The following DNAH5 variants were observed in gnomAD, a reference collection of about 807,000 sequenced individuals.
The protein encoded by DNAH5 is dynein axonemal heavy chain 5.
A neutral mutation model predicts 518.2 loss-of-function variants in DNAH5; 372 were observed. That is an observed-to-expected ratio of 0.72 (90% confidence interval 0.66 to 0.78). The LOEUF is 0.78. Ranked by LOEUF, DNAH5 falls within the 30% of genes least tolerant of loss-of-function variation. The pLI is 0.00. For missense variants in DNAH5, 5,523 were observed against 5,687.0 expected, an observed-to-expected ratio of 0.97 and a Z score of 0.93; for synonymous variants, 2,039 against 2,025.9, an observed-to-expected ratio of 1.01 and a Z score of -0.17.
At chr5:13,698,364 T>C (rs1253004620) in intron 78 of DNAH5, among the ~76,000 whole-genome samples, 2 of 152,222 alleles carry the variant, frequency 1.3e-5, no homozygotes, top group Non-Finnish European at 1.5e-5. Flanking sequence ...TTATACACAG[T>C]AGTTATGTCC....
chr5:13,713,732 G>T (rs1309468924), intron 75 of DNAH5, among the ~76,000 whole-genome samples: 2 of 151,478 alleles, frequency 1.3e-5, no homozygotes, highest in Admixed American at 1.3e-4. Flanking sequence ...TACAAATATG[G>T]TGCATCGCAT....
At chr5:13,860,881 T>C (rs1407068372) in intron 29 of DNAH5, among the ~76,000 whole-genome samples, 1 of 152,228 alleles carries the variant, frequency 6.6e-6, no homozygotes, top group Non-Finnish European at 1.5e-5. Context: ...TGAAGTCGTA[T>C]TATTGCATAA....
intron 65 of DNAH5, among the ~76,000 whole-genome samples, chr5:13,740,289 A>AC (rs1052234790): frequency 5.3e-5 from 8 of 151,644 alleles, no homozygotes; most frequent in African/African-American, 1.7e-4. Context: ...CCCCAGCCTT[A>AC]CCCCCTGGTC....
intron 32 of DNAH5, among the ~76,000 whole-genome samples, chr5:13,842,831 T>A (rs1258650114): frequency 6.6e-6 from 1 of 152,182 alleles, no homozygotes; most frequent in Non-Finnish European, 1.5e-5. Context: ...AGAAACCTTA[T>A]GGCAGGAGCA....
chr5:13,995,230 A>T (rs1279833238), intron 1 of DNAH5, among the ~76,000 whole-genome samples: 1 of 152,248 alleles, frequency 6.6e-6, no homozygotes, highest in Non-Finnish European at 1.5e-5. Flanking sequence ...AGTCTCCCAC[A>T]TTGCCACATA....
intron 24 of DNAH5, among the ~76,000 whole-genome samples, chr5:13,870,238 C>T (rs906861207): frequency 4.6e-5 from 7 of 152,098 alleles, no homozygotes; most frequent in African/African-American, 7.2e-5. Flanking sequence ...TCCCGATTAC[C>T]AGCTGGTATT....
At chr5:13,789,063 A>C (rs1258161400) in intron 50 of DNAH5, 149 bp from the exon 51 acceptor site, 3 of 684,672 alleles carry the variant, frequency 4.4e-6, no homozygotes, top group African/African-American at 3.6e-5. Flanking sequence ...ACTTCACTTC[A>C]AATTGTCCTC....
At position 13,844,933 on chromosome 5, in the gene DNAH5, A is replaced by C; in HGVS notation, c.5175T>G (p.Leu1725=). 3 of 1,614,160 alleles carry C rather than the reference A, an allele frequency of 1.9e-6. No individual in the cohort carries two copies. Among genetic ancestry groups the C allele is most frequent in the Non-Finnish European group, 2.5e-6 (3 of 1,180,000 alleles). Residue 1725 remains leucine, a synonymous_variant, in exon 32 of 79, where the codon CTT becomes CTG. Transcript: ENST00000265104. ...CCGACGCCTGCCCCAGAATCTCTAG[A>C]AGGGCAGGATCTGAGACGAAGAAAA... ...PRFFFVSDPA[L]LEILGQASDS...
rs150300647 is a variant in DNAH5 at position 13,848,595 on chromosome 5, C to A, written c.5114+2057G>T. On this transcript the variant is annotated intron_variant, in intron 31 of 78. Coordinates refer to ENST00000265104, the MANE Select transcript of DNAH5 (RefSeq NM_001369.3). ...TGAGAGCCCTCAGCTTGTTTTCCTG[C>A]AACTAAATGGTCCCATCTGGAGATG... Among the ~76,000 whole-genome samples the A allele has an allele frequency of 1.8e-3, 273 of 152,296 alleles. 2 individuals are homozygous for A. The highest frequency in any genetic ancestry group is 3.2e-3 in the Non-Finnish European group (216 of 68,034).
chr5:13,751,889 G>A (rs1242318627), intron 64 of DNAH5, among the ~76,000 whole-genome samples: 1 of 152,080 alleles, frequency 6.6e-6, no homozygotes, highest in Non-Finnish European at 1.5e-5. Context: ...GCATGGAGAG[G>A]CTTCAAAGCT....
At chr5:13,985,115 C>T (rs1176369413) in intron 1 of DNAH5, among the ~76,000 whole-genome samples, 1 of 152,018 alleles carries the variant, frequency 6.6e-6, no homozygotes, top group Non-Finnish European at 1.5e-5. Context: ...ATGATGAGTT[C>T]GTGTCCTTTG....
intron 40 of DNAH5, among the ~76,000 whole-genome samples, chr5:13,820,841 A>AAAG (rs1554063848): frequency 0.15 from 21,167 of 137,448 alleles, 2,012 homozygotes; most frequent in Admixed American, 0.18. Context: ...AAAAAAAAAA[A>AAAG]AAACACATCA....
intron 65 of DNAH5, among the ~76,000 whole-genome samples, chr5:13,738,441 A>G (rs1747905578): frequency 6.6e-6 from 1 of 152,218 alleles, no homozygotes; most frequent in African/African-American, 2.4e-5. Context: ...TAGGCAAGCA[A>G]CTGAGCTGCA....
intron 1 of DNAH5, among the ~76,000 whole-genome samples, chr5:13,977,008 C>T (rs1000234651): frequency 3.9e-5 from 6 of 152,146 alleles, no homozygotes; most frequent in Non-Finnish European, 8.8e-5. Context: ...TAACCTTGAA[C>T]GGTGTGTCAC....
intron 16 of DNAH5, among the ~76,000 whole-genome samples, chr5:13,893,994 G>A (rs1024284861): frequency 6.6e-6 from 1 of 151,612 alleles, no homozygotes; most frequent in Non-Finnish European, 1.5e-5. Flanking sequence ...AGGTGTTAAT[G>A]TGTCCTCCTG....
Position 13,920,597 on chromosome 5 carries a change from G to A in DNAH5, c.681C>T (p.Asp227=), listed in dbSNP as rs1580893733. The part of the protein sequence containing the change: ...LKEKVNLRKC[D]ILELKTLKEP... ...CCTTTAGGGTTTTCAGTTCAAGTAT[G>A]TCACACTTTCGAAGGTTCACCTAAT... The change falls in exon 6 of 79, where the codon GAC becomes GAT. Residue 227 remains aspartate (D), a synonymous_variant. Transcript: ENST00000265104. 1 of 1,614,110 alleles carries A rather than the reference G, an allele frequency of 6.2e-7. No individual in the cohort carries two copies. Among genetic ancestry groups the A allele is most frequent in the Non-Finnish European group, 8.5e-7 (1 of 1,179,984 alleles).
At chr5:13,978,391 G>T (rs1427238238) in intron 1 of DNAH5, among the ~76,000 whole-genome samples, 1 of 152,202 alleles carries the variant, frequency 6.6e-6, no homozygotes. Flanking sequence ...GGCCTTAATA[G>T]AATGAAGACA....
chr5:13,931,772 C>T (rs1422764908), intron 1 of DNAH5, among the ~76,000 whole-genome samples: 2 of 152,202 alleles, frequency 1.3e-5, no homozygotes, highest in Non-Finnish European at 2.9e-5. Context: ...CCAATGTTGG[C>T]AGTTTGAAGC....
Position 13,707,977 on chromosome 5 carries a change from G to T in DNAH5, c.13338+146C>A. 1 of 948,444 alleles carries T rather than the reference G, an allele frequency of 1.1e-6. No homozygotes were observed. Among genetic ancestry groups the T allele is most frequent in the Non-Finnish European group, 1.7e-6 (1 of 597,090 alleles). 58.8% of individuals were successfully genotyped at this position (948,444 alleles called of 1,614,324 possible). A position where few individuals can be genotyped will look rare whatever the true frequency, so the allele number is the denominator to read the frequency against. ...AAAAAAACTTCCTTCCCTACCTATG[G>T]TCTAAAAATACAGGGCTACAGGGGG... On this transcript the variant is annotated intron_variant, in intron 76 of 78. Transcript: ENST00000265104. This position sits in a 1 kb window ranked among gnomAD's most constrained non-coding sequence, Gnocchi z 4.0.
Sources: allele counts gnomAD v4.1 joint callset (sites outside exome capture counted in the v4.1 genomes callset), GRCh38; gene constraint gnomAD v4.1.1; non-coding constraint Gnocchi (gnomAD v3.1); transcripts MANE v1.5; gene names NCBI Gene and HGNC (gene_info 2026-07-23, HGNC 2026-07-21).